Variants in PHF20 observed in about 807,000 individuals in gnomAD.
PHF20 encodes the protein glioma-expressed antigen 2.
A neutral mutation model predicts 113.5 loss-of-function variants in PHF20; 23 were observed. That is an observed-to-expected ratio of 0.20 (90% CI 0.15 to 0.29). The LOEUF (loss-of-function observed/expected upper bound fraction) is 0.29, where lower values mean the gene tolerates loss of function less well. PHF20 is among the 10% of genes least tolerant of loss of function. The pLI is 1.00. For synonymous variants in PHF20, 434 were observed against 457.3 expected, an observed-to-expected ratio of 0.95 and a Z score of 0.65; for missense variants, 943 against 1,219.6, an observed-to-expected ratio of 0.77 and a Z score of 3.38.
Position 35,784,874 on chromosome 20 carries a change from A to T in PHF20, c.-33+12795A>T, listed in dbSNP as rs192305697. Reference sequence around the variant, plus strand: ...GAGACTAGCCTCGGCAATGTGGCAAAACCCCGCCTCTATAAAAAATACAAA... The same window carrying T: ...GAGACTAGCCTCGGCAATGTGGCAATACCCCGCCTCTATAAAAAATACAAA... On this transcript the variant is annotated intron_variant, in intron 1 of 17. Transcript: ENST00000374012. Among the ~76,000 whole-genome samples, 27 of 151,998 alleles carry T rather than the reference A, an allele frequency of 1.8e-4. No homozygotes were observed. The East Asian group carries it at 4.9e-3, about 27-fold the overall frequency.
intron 14 of PHF20, among the ~76,000 whole-genome samples, chr20:35,930,050 C>T (rs560232047): frequency 2.0e-5 from 3 of 152,308 alleles, no homozygotes; most frequent in African/African-American, 7.2e-5. Flanking sequence ...TGATAAGTCA[C>T]ATGTGCTTTT....
At chr20:35,941,527 A>G (rs1375147377) in intron 17 of PHF20, among the ~76,000 whole-genome samples, 9 of 152,188 alleles carry the variant, frequency 5.9e-5, no homozygotes, top group Admixed American at 5.9e-4. Flanking sequence ...TATAGCCCTG[A>G]GTATTCCTTC....
At chr20:35,902,655 G>A (rs993916431) in intron 10 of PHF20, among the ~76,000 whole-genome samples, 1 of 152,232 alleles carries the variant, frequency 6.6e-6, no homozygotes, top group African/African-American at 2.4e-5. Flanking sequence ...CTTGGTTTAT[G>A]TTGAGTAATA....
intron 6 of PHF20, among the ~76,000 whole-genome samples, chr20:35,867,602 A>C (rs1358886323): frequency 6.6e-6 from 1 of 152,096 alleles, no homozygotes; most frequent in African/African-American, 2.4e-5. Context: ...GGGATTTCCA[A>C]GTTCTGCCAG....
At chr20:35,829,800 G>T (rs1409833924) in intron 2 of PHF20, among the ~76,000 whole-genome samples, 1 of 152,088 alleles carries the variant, frequency 6.6e-6, no homozygotes, top group African/African-American at 2.4e-5. Flanking sequence ...TTTGAGACCA[G>T]CCTAGGTAAC....
chr20:35,871,618 T>C, intron 8 of PHF20, 32 bp from the exon 9 acceptor site: 1 of 1,561,542 alleles, frequency 6.4e-7, no homozygotes, highest in Non-Finnish European at 8.7e-7. Context: ...CATACATGTA[T>C]ATTTCCCCCA....
intron 1 of PHF20, among the ~76,000 whole-genome samples, chr20:35,781,825 A>G (rs2041303579): frequency 6.6e-6 from 1 of 152,136 alleles, no homozygotes; most frequent in African/African-American, 2.4e-5. Context: ...CATGCCTGTG[A>G]TCCCAGCCAC....
At chr20:35,898,680 G>T (rs572272588) in intron 9 of PHF20, among the ~76,000 whole-genome samples, 8 of 152,022 alleles carry the variant, frequency 5.3e-5, no homozygotes, top group African/African-American at 1.9e-4. Context: ...GCATGATCTC[G>T]ACTTACTGCA....
At chr20:35,791,776 A>T (rs2041560563) in intron 1 of PHF20, among the ~76,000 whole-genome samples, 2 of 151,944 alleles carry the variant, frequency 1.3e-5, no homozygotes, top group African/African-American at 2.4e-5. Flanking sequence ...ACTTAGAAGC[A>T]GGTCCTACAA....
chr20:35,885,382 T>C lies in PHF20; in HGVS notation c.1282+13553T>C, dbSNP rs772919315. On this transcript the variant is annotated intron_variant, in intron 9 of 17. Transcript: ENST00000374012. ...TCCAGATACACACGTTGAATTCAGCTGTCATATTTCTTTTGTCTTCTTTAA... is the reference window on the plus strand; with the variant it reads ...TCCAGATACACACGTTGAATTCAGCCGTCATATTTCTTTTGTCTTCTTTAA... 9.9e-5 allele frequency among the ~76,000 whole-genome samples: 15 copies of C among 151,904 alleles called. No individual in the cohort carries two copies. In the South Asian group the frequency reaches 1.9e-3, roughly 19 times the overall value.
At chr20:35,890,113 G>A (rs1459881775) in intron 9 of PHF20, among the ~76,000 whole-genome samples, 2 of 151,722 alleles carry the variant, frequency 1.3e-5, no homozygotes, top group Non-Finnish European at 2.9e-5. Flanking sequence ...CTGCAGCATC[G>A]ACCTCCTGGG....
At chr20:35,931,600 T>C (rs73902940) in intron 15 of PHF20, among the ~76,000 whole-genome samples, 156 bp downstream of exon 15, 167 of 144,180 alleles carry the variant, frequency 1.2e-3, no homozygotes, top group African/African-American at 4.1e-3. Context: ...AAACATTCTT[T>C]AAAAAAAAAA....
At chr20:35,941,516 G>A (rs2055979349) in intron 17 of PHF20, among the ~76,000 whole-genome samples, 1 of 152,220 alleles carries the variant, frequency 6.6e-6, no homozygotes, top group East Asian at 1.9e-4. Context: ...TGAGTCATTT[G>A]TATAGCCCTG....
intron 9 of PHF20, among the ~76,000 whole-genome samples, chr20:35,895,843 G>A (rs768549294): frequency 2.6e-5 from 4 of 151,666 alleles, no homozygotes; most frequent in Admixed American, 6.6e-5. Flanking sequence ...ATGCCACCAC[G>A]CCCAGCTAAT....
chr20:35,908,377 A>G (rs2147074181), intron 10 of PHF20, among the ~76,000 whole-genome samples: 1 of 152,340 alleles, frequency 6.6e-6, no homozygotes. Flanking sequence ...CTTTAGCCAG[A>G]TAACCAGGTA....
At chr20:35,879,385 CTGT>C (rs2054585885) in intron 9 of PHF20, among the ~76,000 whole-genome samples, 1 of 152,094 alleles carries the variant, frequency 6.6e-6, no homozygotes, top group African/African-American at 2.4e-5. Context: ...TATATTTTTG[CTGT>C]TGTTATATTA....
chr20:35,776,200 TTGTC>T (rs1279218049), intron 1 of PHF20, among the ~76,000 whole-genome samples: 1 of 152,218 alleles, frequency 6.6e-6, no homozygotes, highest in African/African-American at 2.4e-5. Flanking sequence ...CATAGCCAGC[TTGTC>T]TGTCTGGTTC....
chr20:35,773,336 C>T (rs2041101595), intron 1 of PHF20, among the ~76,000 whole-genome samples: 1 of 152,180 alleles, frequency 6.6e-6, no homozygotes, highest in Non-Finnish European at 1.5e-5. Context: ...TTTCATTCCT[C>T]AGTTTCCTTC....
At chr20:35,821,138 T>C (rs1309268842) in intron 2 of PHF20, among the ~76,000 whole-genome samples, 4 of 152,044 alleles carry the variant, frequency 2.6e-5, no homozygotes, top group African/African-American at 2.4e-5. Flanking sequence ...ATCAATGTTA[T>C]CTGATTTCAA....
Sources: gnomAD v4.1 joint callset for allele counts (sites outside exome capture counted in the v4.1 genomes callset) on GRCh38, gnomAD v4.1.1 for gene constraint, MANE v1.5 for transcripts, NCBI Gene and HGNC (gene_info 2026-07-23, HGNC 2026-07-21) for gene names.